CADM2: variants seen among roughly 807,000 people sequenced by gnomAD.
The protein encoded by CADM2 is immunoglobulin superfamily member 4D.
A neutral mutation model predicts 49.8 loss-of-function variants in CADM2; 12 were observed. The observed-to-expected ratio is 0.24, with a 90% CI of 0.15 to 0.39. The LOEUF (loss-of-function observed/expected upper bound fraction) is 0.39, where lower values mean the gene tolerates loss of function less well. Among genes scored for constraint, CADM2 ranks in the 10% least tolerant of loss-of-function variants. The probability of loss-of-function intolerance (pLI) is 1.00; values close to 1 mark genes in which losing one functional copy is unlikely to be tolerated. For synonymous variants in CADM2, 214 were observed against 175.4 expected (o/e 1.22, Z -1.74); for missense variants, 378 against 492.3 (o/e 0.77, Z 2.20).
At chr3:85,518,714 A>G (rs926874033) in intron 1 of CADM2, among the ~76,000 whole-genome samples, 1 of 151,958 alleles carries the variant, frequency 6.6e-6, no homozygotes, top group Non-Finnish European at 1.5e-5. Context: ...CTCTGCCTCC[A>G]TGGTCACTTT....
chr3:85,997,824 T>C (rs1023644367), intron 8 of CADM2, among the ~76,000 whole-genome samples: 3 of 152,176 alleles, frequency 2.0e-5, no homozygotes, highest in Admixed American at 6.5e-5. Context: ...GGGACAGAAC[T>C]TTGGAAGAGT....
At chr3:86,018,682 G>A (rs1198086687) in intron 8 of CADM2, among the ~76,000 whole-genome samples, 1 of 152,166 alleles carries the variant, frequency 6.6e-6, no homozygotes, top group African/African-American at 2.4e-5. Flanking sequence ...CTTCTTTTGA[G>A]AAGTGTCTGT....
intron 3 of CADM2, among the ~76,000 whole-genome samples, chr3:85,830,533 C>T (rs1465847892): frequency 1.3e-5 from 2 of 151,764 alleles, no homozygotes; most frequent in African/African-American, 4.8e-5. Context: ...TTTGATTTAG[C>T]TCCACTTGTT....
chr3:85,690,392 G>C (rs2066345749), intron 1 of CADM2, among the ~76,000 whole-genome samples: 1 of 152,026 alleles, frequency 6.6e-6, no homozygotes, highest in African/African-American at 2.4e-5. Flanking sequence ...AGTTCTGGCA[G>C]GTAGCTAAAG....
intron 1 of CADM2, among the ~76,000 whole-genome samples, chr3:85,463,170 TG>T (rs2038328754): frequency 1.3e-5 from 2 of 152,220 alleles, no homozygotes; most frequent in Non-Finnish European, 2.9e-5. Flanking sequence ...AGAGACTTTT[TG>T]TTCCGGTACC....
chr3:85,698,651 T>C (rs537555959), intron 1 of CADM2, among the ~76,000 whole-genome samples: 1 of 152,190 alleles, frequency 6.6e-6, no homozygotes, highest in East Asian at 1.9e-4. Flanking sequence ...AACTCTACCA[T>C]GAGAACAGCA....
intron 1 of CADM2, among the ~76,000 whole-genome samples, chr3:84,981,619 A>T (rs1333648959): frequency 6.6e-6 from 1 of 151,838 alleles, no homozygotes; most frequent in Non-Finnish European, 1.5e-5. Flanking sequence ...TTCCTTCCCT[A>T]TCTTTCTTTC....
chr3:85,160,362 C>A (rs1415754138), intron 1 of CADM2, among the ~76,000 whole-genome samples: 2 of 151,984 alleles, frequency 1.3e-5, no homozygotes, highest in Non-Finnish European at 2.9e-5. Context: ...AAGTAAGGAT[C>A]AAATTTGATT....
At chr3:86,052,636 G>C (rs1737478228) in intron 8 of CADM2, among the ~76,000 whole-genome samples, 1 of 152,052 alleles carries the variant, frequency 6.6e-6, no homozygotes, top group Admixed American at 6.6e-5. Context: ...TGTAAGGGCA[G>C]AATTATTTTA....
At chr3:85,523,883 T>C (rs963743772) in intron 1 of CADM2, among the ~76,000 whole-genome samples, 2 of 151,946 alleles carry the variant, frequency 1.3e-5, no homozygotes, top group African/African-American at 4.8e-5. Flanking sequence ...AAACAGAAAA[T>C]AAGTAGGGAT....
chr3:85,819,089 G>A (rs995513746), intron 3 of CADM2, among the ~76,000 whole-genome samples: 2 of 152,086 alleles, frequency 1.3e-5, no homozygotes, highest in African/African-American at 2.4e-5. Flanking sequence ...AGAACCCCTG[G>A]CAAACCACTG....
intron 1 of CADM2, among the ~76,000 whole-genome samples, chr3:85,211,354 T>C (rs1479235767): frequency 2.0e-5 from 3 of 152,114 alleles, no homozygotes; most frequent in Non-Finnish European, 2.9e-5. Context: ...GGTTTGTTTT[T>C]GCTTTTTGGG....
chr3:85,567,209 CTTG>C (rs78576038), intron 1 of CADM2, among the ~76,000 whole-genome samples: 2,310 of 152,250 alleles, frequency 0.015, 26 homozygotes, highest in Middle Eastern at 0.034. Flanking sequence ...GAAATATATT[CTTG>C]TTGTGTGCAA....
chr3:85,720,814 C>A (rs1259101370), intron 1 of CADM2, among the ~76,000 whole-genome samples: 1 of 152,086 alleles, frequency 6.6e-6, no homozygotes, highest in South Asian at 2.1e-4. Flanking sequence ...AGTTATCTAG[C>A]CCTCTACAGC....
intron 1 of CADM2, among the ~76,000 whole-genome samples, chr3:85,609,158 G>A (rs977009158): frequency 6.6e-6 from 1 of 151,708 alleles, no homozygotes; most frequent in African/African-American, 2.4e-5. Context: ...GCCCACTCCT[G>A]GTGTACCAAA....
At chr3:85,043,114 G>T (rs912055783) in intron 1 of CADM2, among the ~76,000 whole-genome samples, 1 of 152,034 alleles carries the variant, frequency 6.6e-6, no homozygotes, top group African/African-American at 2.4e-5. Flanking sequence ...GAAGATAAGG[G>T]TTATTTTAGT....
At chr3:84,995,403 T>C (rs1341307518) in intron 1 of CADM2, among the ~76,000 whole-genome samples, 1 of 152,234 alleles carries the variant, frequency 6.6e-6, no homozygotes, top group East Asian at 1.9e-4. Context: ...AATACAATTT[T>C]AAAATGTGTG....
chr3:85,193,807 T>C (rs1028554452), intron 1 of CADM2, among the ~76,000 whole-genome samples: 1 of 152,246 alleles, frequency 6.6e-6, no homozygotes, highest in African/African-American at 2.4e-5. Flanking sequence ...ACATAAAGGA[T>C]CTTTTAATGT....
At chr3:85,421,138 A>G (rs1268170051) in intron 1 of CADM2, among the ~76,000 whole-genome samples, 1 of 152,188 alleles carries the variant, frequency 6.6e-6, no homozygotes, top group Non-Finnish European at 1.5e-5. Context: ...AGGGGTATGC[A>G]TCATTGAAGA....
Sources: allele counts gnomAD v4.1 joint callset (sites outside exome capture counted in the v4.1 genomes callset), GRCh38; gene constraint gnomAD v4.1.1; transcripts MANE v1.5; gene names NCBI Gene and HGNC (gene_info 2026-07-23, HGNC 2026-07-21).